The following TENM1 variants were observed in gnomAD, a reference collection of about 807,000 sequenced individuals.
TENM1 encodes teneurin-1.
A neutral mutation model predicts 174.8 loss-of-function variants in TENM1; 35 were observed. The ratio of observed to expected loss-of-function variants is 0.20; its 90% CI spans 0.15 to 0.27. The LOEUF (loss-of-function observed/expected upper bound fraction) is 0.27, where lower values mean the gene tolerates loss of function less well. Ranked by LOEUF, TENM1 falls within the 10% of genes least tolerant of loss-of-function variation. TENM1 has a pLI of 1.00. For synonymous variants in TENM1, 781 were observed against 798.7 expected (o/e 0.98, Z 0.37); for missense variants, 1,633 against 2,130.1 (o/e 0.77, Z 4.59).
chrX:125,049,171 A>G, the TENM1 span, among the ~76,000 whole-genome samples: 1 of 111,439 alleles, frequency 9.0e-6, no homozygotes, highest in Admixed American at 9.5e-5. Flanking sequence ...GAACTGTGCA[A>G]CCATTACCAC....
chrX:125,080,058 C>T, the TENM1 span, among the ~76,000 whole-genome samples: 1 of 110,860 alleles, frequency 9.0e-6, no homozygotes, highest in Non-Finnish European at 1.9e-5. Flanking sequence ...AGATACGTTT[C>T]CTAGCTCCAT....
the TENM1 span, among the ~76,000 whole-genome samples, chrX:125,193,319 A>T: frequency 8.9e-6 from 1 of 112,533 alleles, no homozygotes; most frequent in Non-Finnish European, 1.9e-5. Context: ...CCAAAAGCAA[A>T]ACTTGAATTT....
chrX:125,065,015 C>G, the TENM1 span, among the ~76,000 whole-genome samples: 1 of 112,083 alleles, frequency 8.9e-6, no homozygotes, highest in Admixed American at 9.5e-5. Context: ...GCAGGGCTTA[C>G]AGTAGAAATT....
At chrX:124,646,123 G>A (rs912446988) in intron 9 of TENM1, among the ~76,000 whole-genome samples, 7 of 112,089 alleles carry the variant, frequency 6.2e-5, no homozygotes, top group Admixed American at 1.9e-4. Context: ...GTAAGTCTAC[G>A]GGAAAACATG....
chrX:124,677,338 G>C (rs2052114097), intron 5 of TENM1, among the ~76,000 whole-genome samples: 1 of 110,950 alleles, frequency 9.0e-6, no homozygotes, highest in African/African-American at 3.3e-5. Flanking sequence ...TCATTATTAA[G>C]CACTCCAAAG....
At chrX:124,948,981 T>C (rs1015345147) in intron 1 of TENM1, among the ~76,000 whole-genome samples, 1 of 112,056 alleles carries the variant, frequency 8.9e-6, no homozygotes, top group African/African-American at 3.2e-5. Context: ...ATTGCTCTAT[T>C]TCTATACCAT....
the TENM1 span, among the ~76,000 whole-genome samples, chrX:124,979,332 T>A: frequency 1.8e-5 from 2 of 111,995 alleles, no homozygotes; most frequent in Non-Finnish European, 3.8e-5. Flanking sequence ...TTGGGGAAGG[T>A]CATTGTAGAT....
At chrX:124,451,522 T>C (rs909059585) in intron 23 of TENM1, among the ~76,000 whole-genome samples, 2 of 112,261 alleles carry the variant, frequency 1.8e-5, no homozygotes, top group Non-Finnish European at 3.8e-5. Context: ...ATAAAACTAC[T>C]TTAAAGTTCA....
At chrX:124,634,274 G>C (rs967125696) in intron 11 of TENM1, among the ~76,000 whole-genome samples, 2 of 111,230 alleles carry the variant, frequency 1.8e-5, no homozygotes, top group African/African-American at 6.5e-5. Flanking sequence ...TAAGTCCAGG[G>C]AATTTGTAGC....
intron 23 of TENM1, among the ~76,000 whole-genome samples, chrX:124,449,368 G>A (rs2061002820): frequency 8.9e-6 from 1 of 112,108 alleles, no homozygotes; most frequent in African/African-American, 3.2e-5. Flanking sequence ...GGATGAGGTA[G>A]ATTTTATGGT....
chrX:125,068,069 C>T, the TENM1 span, among the ~76,000 whole-genome samples: 1 of 111,684 alleles, frequency 9.0e-6, no homozygotes, highest in Non-Finnish European at 1.9e-5. Context: ...AATAATAAGC[C>T]ACTGACTTGG....
the TENM1 span, among the ~76,000 whole-genome samples, chrX:125,200,654 T>TGTGAGAGAGAGAGAGAGAGAGAGA: frequency 2.2e-4 from 20 of 92,422 alleles, no homozygotes; most frequent in African/African-American, 8.4e-4. Flanking sequence ...TGTGTGTGTG[T>TGTGAGAGAGAGAGAGAGAGAGAGA]GAGAGAGAGA....
chrX:124,612,910 A>G (rs899751113), intron 11 of TENM1, among the ~76,000 whole-genome samples: 27 of 111,863 alleles, frequency 2.4e-4, no homozygotes, highest in East Asian at 8.5e-4. Context: ...CTTTTCACAT[A>G]TAAGTATGCT....
At chrX:124,529,973 C>T (rs2048068909) in exon 16 of TENM1, 1 of 1,208,585 alleles carries the variant, frequency 8.3e-7, no homozygotes, top group Non-Finnish European at 1.1e-6. Flanking sequence ...CCTCGAATCA[C>T]ACAGGCACGC....
chrX:124,999,285 A>C, the TENM1 span, among the ~76,000 whole-genome samples: 1 of 111,274 alleles, frequency 9.0e-6, no homozygotes, highest in African/African-American at 3.3e-5. Context: ...GTATTCCTAC[A>C]TATGAGATAC....
the TENM1 span, among the ~76,000 whole-genome samples, chrX:125,098,573 A>G: frequency 8.9e-6 from 1 of 112,416 alleles, no homozygotes; most frequent in Non-Finnish European, 1.9e-5. Context: ...ACTGTCAAGC[A>G]TAAAGACAAC....
chrX:125,184,295 G>A, the TENM1 span, among the ~76,000 whole-genome samples: 22 of 111,707 alleles, frequency 2.0e-4, no homozygotes, highest in African/African-American at 6.2e-4. Flanking sequence ...TTTGCAATTA[G>A]TATTGCACAA....
intron 1 of TENM1, among the ~76,000 whole-genome samples, chrX:124,923,689 T>A (rs963505780): frequency 2.7e-5 from 3 of 111,835 alleles, no homozygotes; most frequent in African/African-American, 9.8e-5. Flanking sequence ...CTCACAAGGG[T>A]CCTTAAAAGT....
intron 1 of TENM1, among the ~76,000 whole-genome samples, chrX:124,919,279 C>A (rs979361107): frequency 9.0e-6 from 1 of 111,629 alleles, no homozygotes; most frequent in Non-Finnish European, 1.9e-5. Flanking sequence ...TGTGATATTT[C>A]GATCAATTGA....
Sources: allele counts gnomAD v4.1 joint callset (sites outside exome capture counted in the v4.1 genomes callset), GRCh38; gene constraint gnomAD v4.1.1; transcripts MANE v1.5; gene names NCBI Gene and HGNC (gene_info 2026-07-23, HGNC 2026-07-21).